The following DNAJC6 variants were observed in gnomAD, a reference collection of about 807,000 sequenced individuals.
DNAJC6 encodes DnaJ heat shock protein family (Hsp40) member C6.
In DNAJC6, 34 loss-of-function variants were observed where a neutral mutation model predicts 110.0. The ratio of observed to expected loss-of-function variants is 0.31; its 90% CI spans 0.24 to 0.41. The LOEUF (loss-of-function observed/expected upper bound fraction) is 0.41, where lower values mean the gene tolerates loss of function less well. Ranked by LOEUF, DNAJC6 falls within the 10% of genes least tolerant of loss-of-function variation. DNAJC6 has a pLI of 1.00. For missense variants in DNAJC6, 1,031 were observed against 1,207.8 expected, an observed-to-expected ratio of 0.85 and a Z score of 2.17; for synonymous variants, 406 against 437.2, an observed-to-expected ratio of 0.93 and a Z score of 0.89.
At chr1:65,401,712 T>C in intron 14 of DNAJC6, 49 bp from the exon 15 acceptor site, 1 of 1,584,448 alleles carries the variant, frequency 6.3e-7, no homozygotes, top group Non-Finnish European at 8.5e-7. Context: ...ATTTCACAAT[T>C]CAGCCTCAAA....
intron 1 of DNAJC6, among the ~76,000 whole-genome samples, chr1:65,333,796 G>A (rs1645310255): frequency 6.6e-6 from 1 of 152,158 alleles, no homozygotes; most frequent in South Asian, 2.1e-4. Flanking sequence ...ACTATTTGAA[G>A]CTTCAGTCTT....
intron 5 of DNAJC6, among the ~76,000 whole-genome samples, chr1:65,383,413 C>T (rs1460353424): frequency 2.6e-5 from 4 of 152,296 alleles, no homozygotes; most frequent in Non-Finnish European, 5.9e-5. Flanking sequence ...TCGCCTTGGC[C>T]TCTCAAAGTG....
intron 1 of DNAJC6, among the ~76,000 whole-genome samples, chr1:65,335,903 A>G (rs1645331726): frequency 6.6e-6 from 1 of 152,154 alleles, no homozygotes; most frequent in Admixed American, 6.5e-5. Context: ...GCAAGGGTGG[A>G]GGCAGAGACA....
intron 1 of DNAJC6, among the ~76,000 whole-genome samples, chr1:65,359,021 G>GTT (rs922014574): frequency 6.6e-6 from 1 of 152,154 alleles, no homozygotes; most frequent in Non-Finnish European, 1.5e-5. Context: ...TTCTCACAGT[G>GTT]TTTTGTCCAC....
chr1:65,389,447 G>A lies in DNAJC6; in HGVS notation c.1385G>A (p.Gly462Glu), dbSNP rs976248784. 1.2e-6 allele frequency: 2 copies of A among 1,613,998 alleles called. No individual in the cohort carries two copies. ...HQEHQDTLAL[G>E]GQAPIDIPPD... The stretch of plus-strand genomic sequence containing the variant: ...GAACATCAAGATACGCTGGCCTTAG[G>A]AGGTATGAGTCACCTGATGGTTTTG... Residue 462 changes from glycine (G) to glutamate (E), a missense_variant and splice_region_variant, in exon 10 of 19, where the codon GGA becomes GAA. Transcript: ENST00000371069.
At chr1:65,408,928 C>T in intron 17 of DNAJC6, 145 bp downstream of exon 17, 1 of 1,003,386 alleles carries the variant, frequency 1.0e-6, no homozygotes. Context: ...AACTAGGTGG[C>T]TTATAAACAA....
intron 1 of DNAJC6, among the ~76,000 whole-genome samples, chr1:65,337,598 C>A (rs559537844): frequency 6.6e-6 from 1 of 152,222 alleles, no homozygotes; most frequent in South Asian, 2.1e-4. Flanking sequence ...GATTCCACAT[C>A]TGTGGATTCA....
chr1:65,390,378 T>C (rs1645915106), intron 11 of DNAJC6, among the ~76,000 whole-genome samples: 1 of 152,218 alleles, frequency 6.6e-6, no homozygotes, highest in African/African-American at 2.4e-5. Context: ...AAGCAAACAC[T>C]TGGCCTGTAT....
In DNAJC6 at chr1:65,364,793, C is replaced by T; in HGVS notation, c.344+8C>T. On this transcript the variant is annotated splice_region_variant and intron_variant, in intron 2 of 18. Coordinates refer to ENST00000371069, the MANE Select transcript of DNAJC6 (RefSeq NM_001256864.2). ...GATACAATCTGTGACCAGGTACGCA[C>T]ATTCTTCCCAGTTAATTTAGTGGAT... 1 of 1,610,870 alleles carries T rather than the reference C, an allele frequency of 6.2e-7. No homozygotes were observed. Among genetic ancestry groups the T allele is most frequent in the Non-Finnish European group, 8.5e-7 (1 of 1,178,294 alleles).
At position 65,389,558 on chromosome 1, in the gene DNAJC6, A is replaced by G. The variant is rs528270090; in HGVS notation, c.1399A>G (p.Ile467Val). ...TTTTTGTCTTGCAGGACAGGCTCCA[A>G]TAGATATCCCTCCAGACAACCCCAG... The part of the protein sequence containing the change: ...DTLALGGQAP[I>V]DIPPDNPRHY... Residue 467 changes from isoleucine (I) to valine (V), a missense_variant, in exon 11 of 19, where the codon ATA becomes GTA. Physicochemically the swap from Ile to Val is conservative, Grantham distance 29 (BLOSUM62 3). Coordinates refer to ENST00000371069, the MANE Select transcript of DNAJC6 (RefSeq NM_001256864.2). 1.2e-6 allele frequency: 2 copies of G among 1,614,182 alleles called. No homozygotes were observed. Among genetic ancestry groups the G allele is most frequent in the East Asian group, 2.2e-5 (1 of 44,890 alleles).
Position 65,413,151 on chromosome 1 carries a change from C to A in DNAJC6, c.*126C>A. 1.4e-6 allele frequency: 1 copy of A among 704,716 alleles called. No individual in the cohort carries two copies. The highest frequency in any genetic ancestry group is 2.3e-6 in the Non-Finnish European group (1 of 426,642). The allele number at this position is 704,716 out of a possible 1,614,324, so 43.7% of individuals were successfully genotyped here. On this transcript the variant is annotated 3_prime_UTR_variant, in exon 19 of 19. Transcript: ENST00000371069. Reference sequence around the variant, plus strand: ...TTTTCAGTACTAAACCGTTAAGTTACTCATGAATTAATTTCTCATTGATAA... The same window carrying A: ...TTTTCAGTACTAAACCGTTAAGTTAATCATGAATTAATTTCTCATTGATAA...
At chr1:65,375,577 C>T (rs914628190) in intron 4 of DNAJC6, among the ~76,000 whole-genome samples, 1 of 152,136 alleles carries the variant, frequency 6.6e-6, no homozygotes, top group African/African-American at 2.4e-5. Context: ...AGGCACCTGC[C>T]ACCACGCCCG....
intron 17 of DNAJC6, 96 bp downstream of exon 17, chr1:65,408,879 T>C: frequency 7.1e-7 from 1 of 1,401,766 alleles, no homozygotes. Context: ...AGTAACCTAT[T>C]GTCTTAGCCC....
rs1467613075 is a variant in DNAJC6 at position 65,392,360 on chromosome 1, ATATAT to A, written c.1469-66_1469-62del. The A allele has an allele frequency of 3.7e-6, 5 of 1,365,500 alleles. No homozygotes were observed. The African/African-American group carries it at 5.9e-5, about 16-fold the overall frequency. The allele number at this position is 1,365,500 out of a possible 1,614,324, so 84.6% of individuals were successfully genotyped here. A position where few individuals can be genotyped will look rare whatever the true frequency, so the allele number is the denominator to read the frequency against. On this transcript the variant is annotated intron_variant, in intron 11 of 18. Coordinates refer to ENST00000371069, the MANE Select transcript of DNAJC6 (RefSeq NM_001256864.2). ...CTTCTGTCTTTCTGGAATTATATAC[ATATAT>A]TATAACAAAAACCAACAATGCTGTG...
At chr1:65,401,092 C>A (rs1231151008) in intron 14 of DNAJC6, among the ~76,000 whole-genome samples, 3 of 151,982 alleles carry the variant, frequency 2.0e-5, no homozygotes, top group Admixed American at 2.0e-4. Flanking sequence ...TTTTATACAT[C>A]TGTTGGTTTT....
intron 14 of DNAJC6, among the ~76,000 whole-genome samples, chr1:65,401,023 G>T (rs1646025445): frequency 6.6e-6 from 1 of 151,988 alleles, no homozygotes; most frequent in South Asian, 2.1e-4. Flanking sequence ...CAGGAGTGAG[G>T]TGATATGTCA....
intron 1 of DNAJC6, among the ~76,000 whole-genome samples, chr1:65,332,751 T>C (rs960757942): frequency 2.0e-5 from 3 of 152,254 alleles, no homozygotes; most frequent in African/African-American, 7.2e-5. Flanking sequence ...TCCAGAATTC[T>C]CTTGACATCT....
At chr1:65,284,757 C>T (rs994264097) in intron 1 of DNAJC6, among the ~76,000 whole-genome samples, 3 of 151,618 alleles carry the variant, frequency 2.0e-5, no homozygotes, top group Admixed American at 6.6e-5. Flanking sequence ...GGTGCGATCT[C>T]GGCTCACTGC....
At chr1:65,271,012 C>T (rs1335784560) in intron 1 of DNAJC6, among the ~76,000 whole-genome samples, 6 of 152,148 alleles carry the variant, frequency 3.9e-5, no homozygotes, top group Admixed American at 2.0e-4. Context: ...TATATTCTCT[C>T]AGCAGGACAA....
Sources: gnomAD v4.1 joint callset for allele counts (sites outside exome capture counted in the v4.1 genomes callset) on GRCh38, gnomAD v4.1.1 for gene constraint, MANE v1.5 for transcripts, NCBI Gene and HGNC (gene_info 2026-07-23, HGNC 2026-07-21) for gene names.